Variants in ATF6 observed in about 807,000 individuals in gnomAD.
The protein encoded by ATF6 is cyclic AMP-dependent transcription factor ATF-6 alpha.
ATF6 carries 53 observed loss-of-function variants against 83.6 expected under a neutral mutation model. The ratio of observed to expected loss-of-function variants is 0.63; its 90% CI spans 0.51 to 0.80. The LOEUF (loss-of-function observed/expected upper bound fraction) is 0.80, where lower values mean the gene tolerates loss of function less well. ATF6 is among the 30% of genes least tolerant of loss of function. The pLI is 0.00. For synonymous variants in ATF6, 288 were observed against 285.8 expected, an observed-to-expected ratio of 1.01 and a Z score of -0.08; for missense variants, 744 against 797.9, an observed-to-expected ratio of 0.93 and a Z score of 0.81.
At chr1:161,894,910 C>T (rs1162874269) in intron 14 of ATF6, among the ~76,000 whole-genome samples, 2 of 151,456 alleles carry the variant, frequency 1.3e-5, no homozygotes, top group African/African-American at 4.9e-5. Flanking sequence ...GTAGTCTCAA[C>T]CATTAATAGA....
chr1:161,941,511 T>G (rs1467726423), intron 15 of ATF6, among the ~76,000 whole-genome samples: 6 of 152,210 alleles, frequency 3.9e-5, no homozygotes, highest in Non-Finnish European at 1.5e-5. Flanking sequence ...AAAGGTAGGT[T>G]CTCTTTAAAA....
chr1:161,879,432 C>T (rs1343590906), intron 14 of ATF6, among the ~76,000 whole-genome samples: 1 of 151,816 alleles, frequency 6.6e-6, no homozygotes, highest in Non-Finnish European at 1.5e-5. Flanking sequence ...AAGACACAGC[C>T]CCTGTACTCA....
At chr1:161,885,525 C>T (rs953615303) in intron 14 of ATF6, among the ~76,000 whole-genome samples, 1 of 152,062 alleles carries the variant, frequency 6.6e-6, no homozygotes, top group Non-Finnish European at 1.5e-5. Flanking sequence ...ATATTTCCTA[C>T]CTTTCCTGTA....
intron 4 of ATF6, among the ~76,000 whole-genome samples, chr1:161,785,396 T>A (rs1031716739): frequency 8.5e-5 from 13 of 152,230 alleles, no homozygotes; most frequent in African/African-American, 1.9e-4. Context: ...TTTAATTTTT[T>A]AAAAAATTAA....
chr1:161,841,766 A>C (rs186272329), intron 9 of ATF6, among the ~76,000 whole-genome samples: 1 of 152,212 alleles, frequency 6.6e-6, no homozygotes, highest in Admixed American at 6.5e-5. Context: ...TATTGTCATT[A>C]CAATGTGATA....
At chr1:161,771,003 C>A (rs985635713) in intron 1 of ATF6, among the ~76,000 whole-genome samples, 1 of 152,110 alleles carries the variant, frequency 6.6e-6, no homozygotes, top group Non-Finnish European at 1.5e-5. Flanking sequence ...TTTGGTGTTG[C>A]CAGTACTTTG....
intron 13 of ATF6, among the ~76,000 whole-genome samples, chr1:161,861,773 A>G (rs1229720979): frequency 2.0e-5 from 3 of 152,200 alleles, no homozygotes; most frequent in Admixed American, 2.0e-4. Context: ...AGTCTCAGCT[A>G]TATAAACAAG....
At position 161,802,104 on chromosome 1, in the gene ATF6, A is replaced by G; in HGVS notation, c.741A>G (p.Gly247=). 6.2e-7 allele frequency: 1 copy of G among 1,614,060 alleles called. No homozygotes were observed. The highest frequency in any genetic ancestry group is 8.5e-7 in the Non-Finnish European group (1 of 1,179,988). The change falls in exon 7 of 16, where the codon GGA becomes GGG. Residue 247 remains glycine, a synonymous_variant. Coordinates refer to ENST00000367942, the MANE Select transcript of ATF6 (RefSeq NM_007348.4). ...CTGTGGTACAACTTCAAGCACCTGGAGTTCTGCCCTCTGCTCAGCCAGTCC... is the reference window on the plus strand; with the variant it reads ...CTGTGGTACAACTTCAAGCACCTGGGGTTCTGCCCTCTGCTCAGCCAGTCC... The part of the protein sequence containing the change: ...QPTVVQLQAP[G]VLPSAQPVLA...
intron 13 of ATF6, among the ~76,000 whole-genome samples, chr1:161,862,645 T>C (rs983295759): frequency 2.0e-5 from 3 of 152,156 alleles, no homozygotes; most frequent in Non-Finnish European, 4.4e-5. Flanking sequence ...GTTGTGTGGT[T>C]ATACTCTTTT....
At chr1:161,824,038 A>G (rs1051310301) in intron 9 of ATF6, among the ~76,000 whole-genome samples, 1 of 152,208 alleles carries the variant, frequency 6.6e-6, no homozygotes, top group Non-Finnish European at 1.5e-5. Flanking sequence ...GAGTTTGCCA[A>G]ATTGCCTTCC....
At chr1:161,869,380 G>A (rs1421138550) in intron 14 of ATF6, among the ~76,000 whole-genome samples, 1 of 151,804 alleles carries the variant, frequency 6.6e-6, no homozygotes, top group Non-Finnish European at 1.5e-5. Context: ...TAGTATCAAA[G>A]GAAATTCATT....
At chr1:161,884,944 T>C (rs756284036) in intron 14 of ATF6, among the ~76,000 whole-genome samples, 1 of 152,152 alleles carries the variant, frequency 6.6e-6, no homozygotes, top group Non-Finnish European at 1.5e-5. Context: ...TTTTGTACAC[T>C]ACTCTAAAAA....
intron 4 of ATF6, among the ~76,000 whole-genome samples, chr1:161,790,139 T>G (rs1684844474): frequency 6.6e-6 from 1 of 152,180 alleles, no homozygotes; most frequent in South Asian, 2.1e-4. Context: ...TCTTTTAACT[T>G]TGTTTATGGT....
chr1:161,884,802 C>T (rs1438866483), intron 14 of ATF6, among the ~76,000 whole-genome samples: 3 of 152,070 alleles, frequency 2.0e-5, no homozygotes, highest in Admixed American at 2.0e-4. Context: ...GGCAGGTAGT[C>T]ATTTTAAATT....
At chr1:161,899,328 C>T (rs780750058) in intron 14 of ATF6, among the ~76,000 whole-genome samples, 4 of 152,172 alleles carry the variant, frequency 2.6e-5, no homozygotes, top group Non-Finnish European at 5.9e-5. Context: ...TCTACAAGCC[C>T]ATTTGAAATC....
chr1:161,791,706 G>A (rs1007243554), intron 5 of ATF6, among the ~76,000 whole-genome samples, 169 bp downstream of exon 5: 5 of 152,176 alleles, frequency 3.3e-5, no homozygotes, highest in African/African-American at 1.2e-4. Flanking sequence ...AGAGGAAAGG[G>A]GAGAAATAAT....
chr1:161,825,951 G>T (rs565079197), intron 9 of ATF6, among the ~76,000 whole-genome samples: 9 of 152,278 alleles, frequency 5.9e-5, no homozygotes, highest in Admixed American at 1.3e-4. Flanking sequence ...GCTGGAAGGG[G>T]CTTATTACGG....
chr1:161,939,123 A>C (rs1008849264), intron 15 of ATF6, among the ~76,000 whole-genome samples: 1 of 152,094 alleles, frequency 6.6e-6, no homozygotes, highest in African/African-American at 2.4e-5. Context: ...TCCTCATCTT[A>C]TTCCCAGCAA....
chr1:161,792,017 A>G (rs1684890259), intron 5 of ATF6, 107 bp from the exon 6 acceptor site: 1 of 938,752 alleles, frequency 1.1e-6, no homozygotes, highest in Non-Finnish European at 1.7e-6. Flanking sequence ...AAGATTGTTA[A>G]TCGAAGTTAA....
Sources: gnomAD v4.1 joint callset for allele counts (sites outside exome capture counted in the v4.1 genomes callset) on GRCh38, gnomAD v4.1.1 for gene constraint, MANE v1.5 for transcripts, NCBI Gene and HGNC (gene_info 2026-07-23, HGNC 2026-07-21) for gene names.